AATF: variants seen among roughly 807,000 people sequenced by gnomAD.
The protein encoded by AATF is apoptosis antagonizing transcription factor.
A neutral mutation model predicts 63.7 loss-of-function variants in AATF; 48 were observed. The observed-to-expected ratio is 0.75, with a 90% CI of 0.60 to 0.96. The LOEUF is 0.96. Among genes scored for constraint, AATF ranks in the 40% least tolerant of loss-of-function variants. AATF has a pLI of 0.00. For missense variants in AATF, 639 were observed against 685.7 expected (o/e 0.93, Z 0.76); for synonymous variants, 258 against 247.7 (o/e 1.04, Z -0.39).
chr17:37,046,385 A>G (rs1351396196), intron 11 of AATF, among the ~76,000 whole-genome samples: 1 of 152,136 alleles, frequency 6.6e-6, no homozygotes, highest in African/African-American at 2.4e-5. Flanking sequence ...GAAGGAAGGC[A>G]GAGGAGAGCC....
At chr17:36,950,740 A>G (rs1174421512) in intron 2 of AATF, among the ~76,000 whole-genome samples, 1 of 152,156 alleles carries the variant, frequency 6.6e-6, no homozygotes, top group Non-Finnish European at 1.5e-5. Context: ...AGGAGAGACC[A>G]TTGATTTGGT....
intron 4 of AATF, among the ~76,000 whole-genome samples, chr17:36,956,005 C>A (rs540881798): frequency 1.4e-4 from 21 of 152,214 alleles, no homozygotes; most frequent in Non-Finnish European, 1.8e-4. Flanking sequence ...TTCAAATGAT[C>A]CTTCCGTGTC....
chr17:37,027,288 C>T (rs969564672), intron 10 of AATF, among the ~76,000 whole-genome samples: 31 of 151,830 alleles, frequency 2.0e-4, no homozygotes, highest in African/African-American at 6.8e-4. Context: ...AATAATATGA[C>T]GTCTTACTGT....
intron 4 of AATF, among the ~76,000 whole-genome samples, chr17:36,964,170 C>CT (rs36064518): frequency 0.032 from 3,290 of 101,336 alleles, 53 homozygotes; most frequent in African/African-American, 0.043. Context: ...GGGTGTTTTG[C>CT]TTTTTTTTTT....
At chr17:37,032,464 C>G (rs902621459) in intron 11 of AATF, among the ~76,000 whole-genome samples, 1 of 152,202 alleles carries the variant, frequency 6.6e-6, no homozygotes, top group African/African-American at 2.4e-5. Context: ...TCATCTTAGA[C>G]TTTCCATCTT....
At chr17:36,986,560 C>A in intron 4 of AATF, 57 bp from the exon 5 acceptor site, 2 of 1,453,294 alleles carry the variant, frequency 1.4e-6, no homozygotes, top group Non-Finnish European at 9.7e-7. Context: ...ATAGGCATCA[C>A]CTACTTTGGA....
chr17:36,976,972 G>A (rs910571651), intron 4 of AATF, among the ~76,000 whole-genome samples: 1 of 152,034 alleles, frequency 6.6e-6, no homozygotes, highest in Non-Finnish European at 1.5e-5. Context: ...TAAGATAATC[G>A]GGAGTAGCCC....
Position 36,989,327 on chromosome 17 carries a change from A to T in AATF, c.1230A>T (p.Thr410=), listed in dbSNP as rs371526272. Residue 410 remains threonine, a synonymous_variant, in exon 7 of 12, where the codon ACA becomes ACT. Coordinates refer to ENST00000619387, the MANE Select transcript of AATF (RefSeq NM_012138.4). ...LMDKERLLRR[T]QTKRSVYRVL... ...ACAAAGAGAGATTACTTCGAAGGAC[A>T]CAGACCAAGCGCTCTGTCTATCGAG... is the stretch of plus-strand genomic sequence containing the variant. 3 of 1,614,014 alleles carry T rather than the reference A, an allele frequency of 1.9e-6. No homozygotes were observed. Among genetic ancestry groups the T allele is most frequent in the Non-Finnish European group, 2.5e-6 (3 of 1,180,030 alleles).
chr17:37,039,748 C>T (rs2071622120), intron 11 of AATF, among the ~76,000 whole-genome samples: 1 of 152,102 alleles, frequency 6.6e-6, no homozygotes, highest in African/African-American at 2.4e-5. Context: ...AGGCTTGGGC[C>T]AGAGTTTTAA....
Position 36,971,988 on chromosome 17 carries a change from T to C in AATF, c.833-14629T>C, listed in dbSNP as rs578118884. Among the ~76,000 whole-genome samples, 5 of 152,348 alleles carry C rather than the reference T, an allele frequency of 3.3e-5. No individual in the cohort carries two copies. The South Asian group carries it at 1.0e-3, about 32-fold the overall frequency. On this transcript the variant is annotated intron_variant, in intron 4 of 11. Coordinates refer to ENST00000619387, the MANE Select transcript of AATF (RefSeq NM_012138.4). ...CACTAATCTTGTTTCCTTGGAGTAT[T>C]TTCCACCTGTTTTCCACAGTGGCTC...
At chr17:36,954,189 A>T (rs1477435331) in intron 4 of AATF, among the ~76,000 whole-genome samples, 3 of 149,896 alleles carry the variant, frequency 2.0e-5, no homozygotes, top group African/African-American at 7.4e-5. Flanking sequence ...CACCTCAGTG[A>T]TCCTCCCACC....
chr17:36,995,300 T>G (rs1397777411), intron 8 of AATF, among the ~76,000 whole-genome samples: 1 of 152,240 alleles, frequency 6.6e-6, no homozygotes, highest in East Asian at 1.9e-4. Context: ...TGAATTTTTG[T>G]GTCTAAGACA....
intron 8 of AATF, among the ~76,000 whole-genome samples, chr17:37,011,361 C>G (rs2071389370): frequency 6.6e-6 from 1 of 151,958 alleles, no homozygotes; most frequent in Admixed American, 6.6e-5. Context: ...GGCGACAGAG[C>G]AAGACTCTGC....
chr17:36,989,442 G>A, intron 7 of AATF, 31 bp downstream of exon 7: 1 of 1,560,018 alleles, frequency 6.4e-7, no homozygotes, highest in East Asian at 2.3e-5. Flanking sequence ...AGTGATTATG[G>A]GGAATAGTTT....
chr17:36,985,814 G>T (rs957995795), intron 4 of AATF, among the ~76,000 whole-genome samples: 6 of 152,078 alleles, frequency 3.9e-5, no homozygotes, highest in African/African-American at 1.4e-4. Flanking sequence ...CTCCCAAAGT[G>T]TTGGGATTAC....
chr17:37,021,128 C>A, intron 10 of AATF, 114 bp downstream of exon 10: 1 of 742,320 alleles, frequency 1.3e-6, no homozygotes, highest in Non-Finnish European at 2.1e-6. Context: ...TTTTAAGGAT[C>A]AGAAAAATAA....
At chr17:37,029,506 C>A (rs1217815171) in intron 10 of AATF, among the ~76,000 whole-genome samples, 1 of 151,862 alleles carries the variant, frequency 6.6e-6, no homozygotes, top group Non-Finnish European at 1.5e-5. Context: ...CCTCAGGCTT[C>A]TAAAGTGTTG....
chr17:37,025,519 G>A (rs1046370255), intron 10 of AATF, among the ~76,000 whole-genome samples: 1 of 152,168 alleles, frequency 6.6e-6, no homozygotes, highest in African/African-American at 2.4e-5. Flanking sequence ...AGGAGGTTAC[G>A]ACAGCGATGA....
At chr17:37,006,346 G>A (rs528773333) in intron 8 of AATF, among the ~76,000 whole-genome samples, 2 of 152,190 alleles carry the variant, frequency 1.3e-5, no homozygotes, top group African/African-American at 4.8e-5. Context: ...GTGCATGCCT[G>A]TAATCCCAGC....
Sources: allele counts gnomAD v4.1 joint callset (sites outside exome capture counted in the v4.1 genomes callset), GRCh38; gene constraint gnomAD v4.1.1; transcripts MANE v1.5; gene names NCBI Gene and HGNC (gene_info 2026-07-23, HGNC 2026-07-21).